PKHD1: variants seen among roughly 807,000 people sequenced by gnomAD.
PKHD1 encodes fibrocystin.
In PKHD1, 291 loss-of-function variants were observed where a neutral mutation model predicts 412.0. The ratio of observed to expected loss-of-function variants is 0.71; its 90% confidence interval spans 0.64 to 0.78. The LOEUF (loss-of-function observed/expected upper bound fraction) is 0.78. Ranked by LOEUF, PKHD1 falls within the 30% of genes least tolerant of loss-of-function variation. PKHD1 has a pLI of 0.00. For missense variants in PKHD1, 4,825 were observed against 4,950.7 expected (o/e 0.97, Z 0.76); for synonymous variants, 1,777 against 1,821.5 (o/e 0.98, Z 0.62).
intron 60 of PKHD1, among the ~76,000 whole-genome samples, chr6:51,715,329 T>G (rs553809997): frequency 0.028 from 4,270 of 152,260 alleles, 216 homozygotes; most frequent in African/African-American, 0.098. Flanking sequence ...CCTCCTTCAT[T>G]ATGCTTCTTC....
In PKHD1 at chr6:51,668,263, T is replaced by TC. The variant is rs573942497; in HGVS notation, c.10157-8295dup. Among the ~76,000 whole-genome samples the TC allele has an allele frequency of 1.5e-3, 233 of 152,234 alleles. 1 individual carries two copies. The highest frequency in any genetic ancestry group is 5.1e-3 in the African/African-American group (210 of 41,536). On this transcript the variant is annotated intron_variant, in intron 60 of 66. Transcript: ENST00000371117. ...GTTCTCCTTGAAGAGGTCCTTCACATCCTTGTAAGTTGGATTCCTAGGTAT... is the reference window on the plus strand; with the variant it reads ...GTTCTCCTTGAAGAGGTCCTTCACATCCCTTGTAAGTTGGATTCCTAGGTAT...
In PKHD1 at chr6:52,043,134, T is replaced by A. The variant is rs778664861; in HGVS notation, c.2822A>T (p.Asp941Val). 5 of 1,609,028 alleles carry A rather than the reference T, an allele frequency of 3.1e-6. No individual in the cohort carries two copies. The Admixed American group carries it at 6.7e-5, about 22-fold the overall frequency. The part of the protein sequence containing the change: ...PCVHSVWYSI[D>V]GDINLMIYIT... Reference sequence around the variant, plus strand: ...GTAAATCATTAGGTTGATGTCACCATCTTAAAGGAGAAAAGAAATTAAAAA... The same window carrying A: ...GTAAATCATTAGGTTGATGTCACCAACTTAAAGGAGAAAAGAAATTAAAAA... Residue 941 changes from aspartate to valine, a missense_variant and splice_region_variant, in exon 27 of 67, where the codon GAT becomes GTT. Coordinates refer to ENST00000371117, the MANE Select transcript of PKHD1 (RefSeq NM_138694.4).
chr6:51,696,023 C>A (rs1778763501), intron 60 of PKHD1, among the ~76,000 whole-genome samples: 1 of 152,150 alleles, frequency 6.6e-6, no homozygotes, highest in Non-Finnish European at 1.5e-5. Context: ...TCTATTTCTT[C>A]AGAAGAAAGA....
chr6:52,044,106 C>T (rs1347307771), intron 25 of PKHD1, among the ~76,000 whole-genome samples: 1 of 152,164 alleles, frequency 6.6e-6, no homozygotes, highest in African/African-American at 2.4e-5. Flanking sequence ...TAAAGACCAA[C>T]AAATTTGGTG....
chr6:52,013,155 C>T (rs1347607838), intron 34 of PKHD1, among the ~76,000 whole-genome samples: 1 of 152,154 alleles, frequency 6.6e-6, no homozygotes, highest in Non-Finnish European at 1.5e-5. Flanking sequence ...CCTTCTACAT[C>T]CTTTCTTGGC....
At chr6:51,844,264 GGTAAAATAA>G (rs1770758125) in intron 50 of PKHD1, among the ~76,000 whole-genome samples, 3 of 152,220 alleles carry the variant, frequency 2.0e-5, no homozygotes, top group Admixed American at 2.0e-4. Context: ...CAATGCCCCA[GGTAAAATAA>G]CCAGCCAGCC....
chr6:51,905,205 G>A (rs2474901), intron 41 of PKHD1, among the ~76,000 whole-genome samples: 74,162 of 152,018 alleles, frequency 0.49, 19,710 homozygotes, highest in East Asian at 0.86. Flanking sequence ...CCTCTGATTT[G>A]CTTTTTTATT....
chr6:52,007,172 T>G (rs947275126), intron 35 of PKHD1, among the ~76,000 whole-genome samples: 2 of 152,246 alleles, frequency 1.3e-5, no homozygotes, highest in Non-Finnish European at 2.9e-5. Context: ...GTATCTTTTT[T>G]GTATAATAAC....
chr6:51,767,394 T>G (rs575556512), intron 55 of PKHD1, among the ~76,000 whole-genome samples: 181 of 152,222 alleles, frequency 1.2e-3, no homozygotes, highest in Middle Eastern at 3.4e-3. Flanking sequence ...CGTGCAGGTT[T>G]GTTACATATG....
chr6:51,644,913 T>C (rs185205263), intron 63 of PKHD1, among the ~76,000 whole-genome samples: 2 of 152,218 alleles, frequency 1.3e-5, no homozygotes, highest in East Asian at 3.9e-4. Context: ...CTCTTGACCT[T>C]GTGATCTGCC....
At chr6:51,982,174 C>CGGGAGGGA (rs1795459746) in intron 35 of PKHD1, among the ~76,000 whole-genome samples, 2 of 40,180 alleles carry the variant, frequency 5.0e-5, no homozygotes, top group Non-Finnish European at 1.1e-4. Flanking sequence ...CCACCCCGTC[C>CGGGAGGGA]GGGAGGGAGG....
At chr6:51,663,594 C>T (rs1345704748) in intron 60 of PKHD1, among the ~76,000 whole-genome samples, 2 of 152,114 alleles carry the variant, frequency 1.3e-5, no homozygotes, top group African/African-American at 4.8e-5. Flanking sequence ...ACAGTAGATG[C>T]TTTTAATATT....
At position 52,025,480 on chromosome 6, in the gene PKHD1, G is replaced by A. The variant is rs1581808463; in HGVS notation, c.4330C>T (p.Gln1444Ter). ...AAGGGGTCACCCTCCAGGCTAACCTGGCAGAGAATGGTGTGGTCTCCCAAA... is the reference window on the plus strand; with the variant it reads ...AAGGGGTCACCCTCCAGGCTAACCTAGCAGAGAATGGTGTGGTCTCCCAAA... ...LSLGDHTILC[Q>*]VSLEGDPLPG... is the part of the protein sequence containing the mutation. The change falls in exon 32 of 67, where the codon CAG (glutamine) becomes TAG (stop). Residue 1444 changes from glutamine (Q) to a stop codon, truncating the protein, a stop_gained. Transcript: ENST00000371117. LOFTEE classifies it high-confidence loss of function. 6.2e-7 allele frequency: 1 copy of A among 1,612,092 alleles called. No individual in the cohort carries two copies. Among genetic ancestry groups the A allele is most frequent in the Non-Finnish European group, 8.5e-7 (1 of 1,178,504 alleles).
intron 40 of PKHD1, among the ~76,000 whole-genome samples, chr6:51,908,376 G>A (rs546760149): frequency 2.0e-5 from 3 of 152,124 alleles, no homozygotes; most frequent in Non-Finnish European, 2.9e-5. Flanking sequence ...AGTATGCCCT[G>A]ATGTCCTTTG....
intron 50 of PKHD1, among the ~76,000 whole-genome samples, chr6:51,839,005 A>C (rs150960865): frequency 6.6e-6 from 1 of 152,362 alleles, no homozygotes; most frequent in Non-Finnish European, 1.5e-5. Flanking sequence ...TCCAGGTGCC[A>C]GTCAACAAGG....
At chr6:51,679,304 C>T (rs1012409579) in intron 60 of PKHD1, among the ~76,000 whole-genome samples, 2 of 151,952 alleles carry the variant, frequency 1.3e-5, no homozygotes, top group Admixed American at 6.6e-5. Context: ...AATGTGTGTT[C>T]GCCACAAGTG....
rs1266610018 is a variant in PKHD1, at chr6:51,659,619, G to C, written c.10507C>G (p.Leu3503Val). ...CCTAAGAAGACGTGGGGGCTCTGGA[G>C]CTCATGGTAGAATACAGCCAAGAGA... ...KLLLAVFYHELQSPHVFLGES... is the reference protein window; with the variant it reads ...KLLLAVFYHEVQSPHVFLGES... The change falls in exon 61 of 67, where the codon CTC (leucine) becomes GTC (valine). Residue 3503 changes from leucine to valine, a missense_variant. Transcript: ENST00000371117. 2.2e-5 allele frequency: 36 copies of C among 1,613,740 alleles called. No homozygotes were observed. The highest frequency in any genetic ancestry group is 3.0e-5 in the Non-Finnish European group (35 of 1,179,842).
chr6:51,718,855 C>T (rs1318960297), intron 60 of PKHD1, among the ~76,000 whole-genome samples: 2 of 152,128 alleles, frequency 1.3e-5, no homozygotes, highest in Admixed American at 1.3e-4. Context: ...AATACCAGAG[C>T]AATCATCATG....
intron 11 of PKHD1, 111 bp downstream of exon 11, chr6:52,069,346 G>C: frequency 2.5e-6 from 2 of 810,396 alleles, no homozygotes; most frequent in Non-Finnish European, 4.5e-6. Context: ...ATGATTGTAG[G>C]GACAGCTTCG....
Sources: allele counts gnomAD v4.1 joint callset (sites outside exome capture counted in the v4.1 genomes callset), GRCh38; gene constraint gnomAD v4.1.1; transcripts MANE v1.5; gene names NCBI Gene and HGNC (gene_info 2026-07-23, HGNC 2026-07-21).